Variants in PDS5B observed in about 807,000 individuals in gnomAD.
PDS5B encodes the protein sister chromatid cohesion protein PDS5 homolog B.
PDS5B carries 51 observed loss-of-function variants against 184.1 expected under a neutral mutation model. The observed-to-expected ratio is 0.28, with a 90% CI of 0.22 to 0.35. The LOEUF is 0.35. Ranked by LOEUF, PDS5B falls within the 10% of genes least tolerant of loss-of-function variation. PDS5B has a pLI of 1.00. For missense variants in PDS5B, 1,180 were observed against 1,723.3 expected (o/e 0.68, Z 5.58); for synonymous variants, 566 against 569.2 (o/e 0.99, Z 0.08).
intron 1 of PDS5B, among the ~76,000 whole-genome samples, chr13:32,604,750 A>C (rs1342806289): frequency 6.6e-6 from 1 of 152,070 alleles, no homozygotes; most frequent in African/African-American, 2.4e-5. Flanking sequence ...TCAATTTCAG[A>C]GCCTGTTATT....
chr13:32,749,164 C>T (rs1413874038), intron 24 of PDS5B, among the ~76,000 whole-genome samples: 2 of 152,198 alleles, frequency 1.3e-5, no homozygotes, highest in African/African-American at 4.8e-5. Flanking sequence ...TACTTAACCT[C>T]ATTTCATGTA....
chr13:32,679,940 C>T (rs1951191320), intron 10 of PDS5B, among the ~76,000 whole-genome samples: 1 of 151,152 alleles, frequency 6.6e-6, no homozygotes, highest in Non-Finnish European at 1.5e-5. Context: ...TCCCCTTTCT[C>T]CTTCCCTTTT....
intron 19 of PDS5B, among the ~76,000 whole-genome samples, chr13:32,723,024 G>C (rs1288862233): frequency 6.6e-6 from 1 of 152,180 alleles, no homozygotes; most frequent in African/African-American, 2.4e-5. Flanking sequence ...AGCCAGCACA[G>C]GGATATTCAT....
At chr13:32,736,805 T>TTTCTGCCA (rs549148848) in intron 21 of PDS5B, among the ~76,000 whole-genome samples, 55 of 152,276 alleles carry the variant, frequency 3.6e-4, no homozygotes, top group Middle Eastern at 3.4e-3. Context: ...TTTGTGTACT[T>TTTCTGCCA]TTCTGCCAGC....
At chr13:32,727,333 C>T (rs1198804350) in intron 19 of PDS5B, among the ~76,000 whole-genome samples, 12 of 152,034 alleles carry the variant, frequency 7.9e-5, no homozygotes, top group Admixed American at 7.2e-4. Context: ...GATATTTTTA[C>T]TCTAGTGTAT....
intron 1 of PDS5B, among the ~76,000 whole-genome samples, chr13:32,647,006 C>A (rs1335269773): frequency 6.6e-6 from 1 of 152,012 alleles, no homozygotes; most frequent in Non-Finnish European, 1.5e-5. Context: ...TGTGTGTGCT[C>A]TAAATTTTGT....
intron 1 of PDS5B, among the ~76,000 whole-genome samples, chr13:32,640,014 C>G (rs1447295700): frequency 1.3e-5 from 2 of 152,164 alleles, no homozygotes; most frequent in Non-Finnish European, 2.9e-5. Flanking sequence ...TGCTCTTGCT[C>G]TTTAGTCAGT....
chr13:32,664,159 A>G (rs1950723824), intron 6 of PDS5B, among the ~76,000 whole-genome samples: 1 of 152,156 alleles, frequency 6.6e-6, no homozygotes, highest in African/African-American at 2.4e-5. Flanking sequence ...TAAGCATGCT[A>G]TTTTTAATCC....
At chr13:32,736,345 C>G (rs376192398) in intron 21 of PDS5B, among the ~76,000 whole-genome samples, 3 of 151,360 alleles carry the variant, frequency 2.0e-5, no homozygotes, top group African/African-American at 7.3e-5. Context: ...TTTTGTTTGT[C>G]TGGAAAGATC....
intron 19 of PDS5B, among the ~76,000 whole-genome samples, chr13:32,720,402 A>T (rs1157380986): frequency 1.3e-5 from 2 of 152,154 alleles, no homozygotes; most frequent in Non-Finnish European, 2.9e-5. Context: ...CACTTTCAGG[A>T]ACTTATCCCA....
chr13:32,745,653 G>C (rs1292740760), intron 23 of PDS5B, among the ~76,000 whole-genome samples: 1 of 152,114 alleles, frequency 6.6e-6, no homozygotes, highest in Non-Finnish European at 1.5e-5. Context: ...CCCTCTCCAG[G>C]GTTGCAGACT....
intron 1 of PDS5B, among the ~76,000 whole-genome samples, chr13:32,636,649 A>G (rs1236000179): frequency 6.6e-6 from 1 of 152,210 alleles, no homozygotes; most frequent in Non-Finnish European, 1.5e-5. Context: ...TCATCTTAGT[A>G]AGAACATTTA....
At chr13:32,602,370 A>G (rs1373346042) in intron 1 of PDS5B, among the ~76,000 whole-genome samples, 5 of 152,090 alleles carry the variant, frequency 3.3e-5, no homozygotes, top group Non-Finnish European at 5.9e-5. Context: ...GCCTTGCAAT[A>G]GTTTGCTCAG....
intron 19 of PDS5B, among the ~76,000 whole-genome samples, chr13:32,719,526 C>CTA (rs937174232): frequency 1.3e-5 from 2 of 151,786 alleles, no homozygotes; most frequent in Non-Finnish European, 2.9e-5. Context: ...GCAAAAAAAT[C>CTA]TATGTGTTAC....
intron 31 of PDS5B, among the ~76,000 whole-genome samples, chr13:32,769,134 AAG>A (rs906526542): frequency 5.9e-5 from 9 of 151,332 alleles, no homozygotes; most frequent in African/African-American, 2.2e-4. Flanking sequence ...AAAATAATAA[AAG>A]ATAATATTAA....
At chr13:32,653,604 T>G (rs1242267423) in intron 3 of PDS5B, among the ~76,000 whole-genome samples, 3 of 152,154 alleles carry the variant, frequency 2.0e-5, no homozygotes, top group Admixed American at 2.0e-4. Context: ...GAAAGAATCT[T>G]AGGATGAGGG....
chr13:32,655,364 A>ATATATATATG (rs1450901684), intron 3 of PDS5B, among the ~76,000 whole-genome samples: 38 of 28,352 alleles, frequency 1.3e-3, no homozygotes, highest in African/African-American at 5.5e-3. Context: ...TTTGCCATAT[A>ATATATATATG]TATATATATA....
chr13:32,656,425 A>G (rs1233516232), intron 3 of PDS5B, among the ~76,000 whole-genome samples: 1 of 151,708 alleles, frequency 6.6e-6, no homozygotes, highest in Admixed American at 6.6e-5. Context: ...ATTGCTTTGG[A>G]CAGCATGGCC....
chr13:32,702,949 C>T (rs4120131), intron 17 of PDS5B, among the ~76,000 whole-genome samples: 66,556 of 151,870 alleles, frequency 0.44, 14,976 homozygotes, highest in African/African-American at 0.5. Context: ...AGACAACGTA[C>T]TTGAAGGAAA....
Sources: gnomAD v4.1 joint callset for allele counts (sites outside exome capture counted in the v4.1 genomes callset) on GRCh38, gnomAD v4.1.1 for gene constraint, MANE v1.5 for transcripts, NCBI Gene and HGNC (gene_info 2026-07-23, HGNC 2026-07-21) for gene names.